The following NCKAP5L variants were observed in gnomAD, a reference collection of about 807,000 sequenced individuals.
NCKAP5L encodes nck-associated protein 5-like.
A neutral mutation model predicts 103.2 loss-of-function variants in NCKAP5L; 54 were observed. The observed-to-expected ratio is 0.52, with a 90% confidence interval of 0.42 to 0.66. NCKAP5L has a LOEUF of 0.66. Ranked by LOEUF, NCKAP5L falls within the 30% of genes least tolerant of loss-of-function variation. NCKAP5L has a pLI of 0.00. For missense variants in NCKAP5L, 1,733 were observed against 1,750.6 expected (o/e 0.99, Z 0.18); for synonymous variants, 762 against 748.6 (o/e 1.02, Z -0.29).
chr12:49,825,852 A>G (rs1946410672), intron 1 of NCKAP5L, among the ~76,000 whole-genome samples: 1 of 152,170 alleles, frequency 6.6e-6, no homozygotes, highest in Non-Finnish European at 1.5e-5. Flanking sequence ...CCTCTCCTTC[A>G]ACATTCCCCT....
chr12:49,810,380 C>T (rs775743848), intron 1 of NCKAP5L, among the ~76,000 whole-genome samples: 2 of 152,178 alleles, frequency 1.3e-5, no homozygotes, highest in African/African-American at 2.4e-5. Context: ...GAGTCCAGTT[C>T]GAACTCTGCA....
intron 7 of NCKAP5L, 63 bp downstream of exon 7, chr12:49,798,287 C>CTT: frequency 1.4e-6 from 2 of 1,402,318 alleles, no homozygotes. Flanking sequence ...GGAAACAGCC[C>CTT]TTCTCCAGAT....
chr12:49,821,722 TCAC>T (rs1449575066), intron 1 of NCKAP5L, among the ~76,000 whole-genome samples: 1 of 152,256 alleles, frequency 6.6e-6, no homozygotes, highest in Non-Finnish European at 1.5e-5. Flanking sequence ...ACTTTTTTGA[TCAC>T]CACTGTATCC....
rs779519140 is a variant in NCKAP5L, at chr12:49,791,829, G to A, written c.*10C>T. On this transcript the variant is annotated 3_prime_UTR_variant, in exon 13 of 13. Coordinates refer to ENST00000335999, the MANE Select transcript of NCKAP5L (RefSeq NM_001037806.4). ...CCAGCTCCAGCGGGGCCGTGGCGTG[G>A]CGCAGCCCCTCAGCCCTGACTCCCA... 6 of 1,578,124 alleles carry A rather than the reference G, an allele frequency of 3.8e-6. No individual in the cohort carries two copies. Among genetic ancestry groups the A allele is most frequent in the South Asian group, 3.5e-5 (3 of 86,658 alleles).
chr12:49,823,647 T>TAAA (rs56135612), intron 1 of NCKAP5L, among the ~76,000 whole-genome samples: 1 of 147,350 alleles, frequency 6.8e-6, no homozygotes, highest in Non-Finnish European at 1.5e-5. Context: ...ATCTATACAT[T>TAAA]AAAAAAAAAA....
rs1444957287 is a variant in NCKAP5L, at chr12:49,798,374, C to T, written c.441G>A (p.Leu147=). 1.3e-6 allele frequency: 2 copies of T among 1,564,586 alleles called. No individual in the cohort carries two copies. Residue 147 remains leucine (L), a synonymous_variant, in exon 7 of 13, where the codon CTG becomes CTA. Transcript: ENST00000335999. ...CCTCTCTCTGCCCAGCACAGTGCCC[C>T]AGAGGCAGCGGGGCAGCCGGTCCCT... ...STEGPAAPLP[L]GHCAGQREVC...
Position 49,796,316 on chromosome 12 carries a change from C to G in NCKAP5L, c.1544G>C (p.Gly515Ala). 2 of 1,541,612 alleles carry G rather than the reference C, an allele frequency of 1.3e-6. No homozygotes were observed. The highest frequency in any genetic ancestry group is 1.7e-6 in the Non-Finnish European group (2 of 1,144,078). ...GLGGGELSPEGAQGLPTSPSP... is the reference protein window; with the variant it reads ...GLGGGELSPEAAQGLPTSPSP... ...AGGGCTGGTGGGCAGGCCTTGCGCC[C>G]CCTCTGGGGACAGCTCTCCTCCACC... The change falls in exon 8 of 13, where the codon GGG (glycine) becomes GCG (alanine). Residue 515 changes from glycine to alanine, a missense_variant. Coordinates refer to ENST00000335999, the MANE Select transcript of NCKAP5L (RefSeq NM_001037806.4).
At position 49,795,639 on chromosome 12, in the gene NCKAP5L, G is replaced by A. The variant is rs749442576; in HGVS notation, c.2221C>T (p.Pro741Ser). 16 of 1,610,962 alleles carry A rather than the reference G, an allele frequency of 9.9e-6. No homozygotes were observed. The highest frequency in any genetic ancestry group is 1.4e-5 in the Non-Finnish European group (16 of 1,178,548). Residue 741 changes from proline to serine, a missense_variant, in exon 8 of 13, where the codon CCT (proline) becomes TCT (serine). Transcript: ENST00000335999. ...GCCCCGGGATCCCCCATAAGTCCAG[G>A]TTCCTGCTGCTTCAGGCTGTTTGTG... ...LGTNSLKQQE[P>S]GLMGDPGARV...
At chr12:49,823,389 G>A (rs993321469) in intron 1 of NCKAP5L, among the ~76,000 whole-genome samples, 7 of 152,216 alleles carry the variant, frequency 4.6e-5, no homozygotes, top group Non-Finnish European at 1.0e-4. Flanking sequence ...AGGTAAATCA[G>A]CCCCTGGGAA....
At chr12:49,802,875 C>A in intron 5 of NCKAP5L, 83 bp downstream of exon 5, 1 of 1,462,566 alleles carries the variant, frequency 6.8e-7, no homozygotes, top group South Asian at 1.3e-5. Context: ...GGCAACAGCC[C>A]ATGTCCTCCA....
chr12:49,826,965 T>C (rs538638510), intron 1 of NCKAP5L, among the ~76,000 whole-genome samples: 4 of 152,144 alleles, frequency 2.6e-5, no homozygotes, highest in Admixed American at 2.0e-4. Flanking sequence ...TGGGAATATC[T>C]CCCCGGAAAG....
intron 1 of NCKAP5L, among the ~76,000 whole-genome samples, chr12:49,811,144 ACAATG>A (rs200266182): frequency 3.7e-3 from 569 of 152,302 alleles, no homozygotes; most frequent in Non-Finnish European, 5.2e-3. Context: ...GTATTCTAGG[ACAATG>A]CTTCTTTCCA....
intron 5 of NCKAP5L, chr12:49,802,627 T>G: frequency 2.9e-6 from 1 of 339,754 alleles, no homozygotes; most frequent in Non-Finnish European, 5.4e-6. Context: ...GGCCCCAATG[T>G]CAAGAAGTTA....
rs1369431484 is a variant in NCKAP5L at position 49,792,257 on chromosome 12, C to T, written c.3792+189G>A. ...TTCTGGGGAGGGACAGAAACCTTTCCCCACGAGAGAAGTGCAAGGAGGGCA... is the reference window on the plus strand; with the variant it reads ...TTCTGGGGAGGGACAGAAACCTTTCTCCACGAGAGAAGTGCAAGGAGGGCA... On this transcript the variant is annotated intron_variant, in intron 12 of 12. Transcript: ENST00000335999. This position sits in a 1 kb window ranked among gnomAD's most constrained non-coding sequence, Gnocchi z 4.5. 2 of 1,253,290 alleles carry T rather than the reference C, an allele frequency of 1.6e-6. No homozygotes were observed. The highest frequency in any genetic ancestry group is 1.5e-5 in the African/African-American group (1 of 67,422). 77.6% of individuals were successfully genotyped at this position (1,253,290 alleles called of 1,614,324 possible).
At chr12:49,793,511 T>A in intron 9 of NCKAP5L, 78 bp from the exon 10 acceptor site, 1 of 1,466,458 alleles carries the variant, frequency 6.8e-7, no homozygotes, top group South Asian at 1.2e-5. Context: ...AGGGTGGGAA[T>A]GTGTCTGTAA....
At chr12:49,805,610 T>C (rs1410892041) in intron 2 of NCKAP5L, 2 of 152,186 alleles carry the variant, frequency 1.3e-5, no homozygotes, top group Non-Finnish European at 2.9e-5. Flanking sequence ...TGGTGGCTTA[T>C]GCCTTGTGAC....
Position 49,792,943 on chromosome 12 carries a change from G to A in NCKAP5L, c.3384C>T (p.Thr1128=). The part of the protein sequence containing the change: ...LTRTLDSGIG[T]FPPPDHGSSG... ...TGCTACCATGGTCTGGGGGTGGGAA[G>A]GTCCCAATGCCACTGTCCAAGGTTC... Residue 1128 remains threonine, a synonymous_variant, in exon 11 of 13, where the codon ACC becomes ACT. Coordinates refer to ENST00000335999, the MANE Select transcript of NCKAP5L (RefSeq NM_001037806.4). The surrounding 1 kb of genome is among the most constrained non-coding windows in gnomAD (Gnocchi z 4.5). The A allele has an allele frequency of 1.3e-6, 2 of 1,560,050 alleles. No individual in the cohort carries two copies. The highest frequency in any genetic ancestry group is 1.3e-5 in the African/African-American group (1 of 74,102).
intron 1 of NCKAP5L, among the ~76,000 whole-genome samples, chr12:49,806,276 GAC>G (rs1201933554): frequency 6.6e-6 from 1 of 152,190 alleles, no homozygotes; most frequent in African/African-American, 2.4e-5. Flanking sequence ...AAGCATTTGG[GAC>G]AGCAGAAAGA....
chr12:49,796,985 C>T lies in NCKAP5L; in HGVS notation c.875G>A (p.Cys292Tyr), dbSNP rs1363793521. The change falls in exon 8 of 13, where the codon TGT (cysteine) becomes TAT (tyrosine). Residue 292 changes from cysteine (C) to tyrosine (Y), a missense_variant. Cys to Tyr is a radical substitution (Grantham distance 194). Transcript: ENST00000335999. ...QAQGTSSGPN[C>Y]APGSSSSSSS... ...GGAGGAGGAGCTGCTGCCTGGGGCA[C>T]AGTTTGGGCCAGAGCTGGTGCCCTG... 6.3e-7 allele frequency: 1 copy of T among 1,595,274 alleles called. No homozygotes were observed. Among genetic ancestry groups the T allele is most frequent in the Admixed American group, 1.8e-5 (1 of 57,100 alleles).
Sources: allele counts gnomAD v4.1 joint callset (sites outside exome capture counted in the v4.1 genomes callset), GRCh38; gene constraint gnomAD v4.1.1; non-coding constraint Gnocchi (gnomAD v3.1); transcripts MANE v1.5; gene names NCBI Gene and HGNC (gene_info 2026-07-23, HGNC 2026-07-21).